The following PIK3C2G variants were observed in gnomAD, a reference collection of about 807,000 sequenced individuals.
The protein encoded by PIK3C2G is phosphatidylinositol 3-kinase C2 domain-containing subunit gamma.
In PIK3C2G, 168 loss-of-function variants were observed where a neutral mutation model predicts 181.1. The observed-to-expected ratio is 0.93, with a 90% confidence interval of 0.82 to 1.05. The LOEUF (loss-of-function observed/expected upper bound fraction) is 1.05. Among genes scored for constraint, PIK3C2G ranks in the 50% least tolerant of loss-of-function variants. PIK3C2G has a pLI of 0.00. For synonymous variants in PIK3C2G, 573 were observed against 592.2 expected, an observed-to-expected ratio of 0.97 and a Z score of 0.47; for missense variants, 1,869 against 1,732.8, an observed-to-expected ratio of 1.08 and a Z score of -1.40.
At chr12:18,555,873 T>C (rs990713642) in intron 26 of PIK3C2G, among the ~76,000 whole-genome samples, 13 of 152,166 alleles carry the variant, frequency 8.5e-5, no homozygotes, top group African/African-American at 2.9e-4. Flanking sequence ...CTTCAGTTAC[T>C]ACTTCTTAGT....
intron 24 of PIK3C2G, among the ~76,000 whole-genome samples, chr12:18,534,004 C>A (rs1943705590): frequency 7.9e-6 from 1 of 126,090 alleles, no homozygotes; most frequent in African/African-American, 3.1e-5. Context: ...GGCTGGAGTG[C>A]AGTGGCACAA....
At chr12:18,329,808 T>C (rs1937738060) in intron 8 of PIK3C2G, among the ~76,000 whole-genome samples, 1 of 152,056 alleles carries the variant, frequency 6.6e-6, no homozygotes. Flanking sequence ...AGAGTTCCTA[T>C]TGCTGCATTT....
intron 18 of PIK3C2G, among the ~76,000 whole-genome samples, chr12:18,476,185 T>G (rs1592355529): frequency 6.6e-6 from 1 of 152,096 alleles, no homozygotes; most frequent in Non-Finnish European, 1.5e-5. Context: ...CCAAGGAAGC[T>G]TTTTTTAGAA....
chr12:18,298,497 AC>A (rs1950040578), intron 5 of PIK3C2G, among the ~76,000 whole-genome samples: 1 of 150,136 alleles, frequency 6.7e-6, no homozygotes, highest in Non-Finnish European at 1.5e-5. Flanking sequence ...CTCCCATTCA[AC>A]AGATTGTCTC....
intron 1 of PIK3C2G, among the ~76,000 whole-genome samples, chr12:18,266,543 T>C (rs760447205): frequency 6.6e-6 from 1 of 152,166 alleles, no homozygotes; most frequent in Non-Finnish European, 1.5e-5. Flanking sequence ...TTCCCTATTA[T>C]TGAGTTCTTA....
chr12:18,450,079 T>G (rs1947265016), intron 18 of PIK3C2G, among the ~76,000 whole-genome samples: 1 of 152,196 alleles, frequency 6.6e-6, no homozygotes, highest in South Asian at 2.1e-4. Flanking sequence ...GTGTCTTCTG[T>G]TGAGAAGTGT....
chr12:18,488,572 C>G lies in PIK3C2G; in HGVS notation c.2628C>G (p.Ile876Met). The change falls in exon 19 of 33, where the codon ATC becomes ATG. Residue 876 changes from isoleucine to methionine, a missense_variant. Physicochemically the swap from Ile to Met is conservative, Grantham distance 10 (BLOSUM62 1). Coordinates refer to ENST00000538779, the MANE Select transcript of PIK3C2G (RefSeq NM_001288772.2). ...AGTTTTCCAAGGAGCAGAAACTTAT[C>G]AAAATTCTGGGAGATATTGGGGAAA... is the stretch of plus-strand genomic sequence containing the variant. The part of the protein sequence containing the change: ...NDEFSKEQKL[I>M]KILGDIGERV... 6.3e-7 allele frequency: 1 copy of G among 1,575,906 alleles called. No homozygotes were observed. The highest frequency in any genetic ancestry group is 1.2e-5 in the South Asian group (1 of 84,662).
chr12:18,479,240 G>A (rs1157292496), intron 18 of PIK3C2G, among the ~76,000 whole-genome samples: 1 of 152,046 alleles, frequency 6.6e-6, no homozygotes, highest in African/African-American at 2.4e-5. Context: ...GAACCAGGAA[G>A]CAAGAGAAAA....
At chr12:18,259,749 C>CT (rs3841369), upstream of PIK3C2G, among the ~76,000 whole-genome samples, 67,855 of 151,624 alleles carry the variant, frequency 0.45, 15,537 homozygotes, top group East Asian at 0.74. Context: ...TAAACTTGCA[C>CT]GTAAACATTG....
At chr12:18,444,457 A>C (rs1046124994) in intron 18 of PIK3C2G, among the ~76,000 whole-genome samples, 3 of 152,130 alleles carry the variant, frequency 2.0e-5, no homozygotes, top group African/African-American at 7.2e-5. Context: ...ATTGAATTGG[A>C]GCTGCAAAAT....
intron 18 of PIK3C2G, among the ~76,000 whole-genome samples, chr12:18,451,246 T>C (rs1283233309): frequency 6.6e-6 from 1 of 152,220 alleles, no homozygotes; most frequent in African/African-American, 2.4e-5. Flanking sequence ...TCCTCTCTTA[T>C]TTCCCTGAGC....
chr12:18,466,190 T>C (rs916642837), intron 18 of PIK3C2G, among the ~76,000 whole-genome samples: 3 of 151,056 alleles, frequency 2.0e-5, no homozygotes, highest in Admixed American at 6.6e-5. Flanking sequence ...GTTAGTATAG[T>C]GTCTTGCTCT....
At chr12:18,484,153 T>A (rs1156966456) in intron 18 of PIK3C2G, among the ~76,000 whole-genome samples, 1 of 152,110 alleles carries the variant, frequency 6.6e-6, no homozygotes, top group East Asian at 1.9e-4. Context: ...AAGAAGTAAA[T>A]TCTACCTACA....
At chr12:18,665,779 C>CA in the PIK3C2G span, among the ~76,000 whole-genome samples, 1 of 151,738 alleles carries the variant, frequency 6.6e-6, no homozygotes, top group Non-Finnish European at 1.5e-5. Flanking sequence ...TAGTAAAATA[C>CA]AAAAAATTAG....
intron 4 of PIK3C2G, among the ~76,000 whole-genome samples, chr12:18,293,472 G>A (rs976766117): frequency 6.6e-6 from 1 of 152,054 alleles, no homozygotes; most frequent in Non-Finnish European, 1.5e-5. Context: ...TTATCTTGCT[G>A]ATACCCTTAG....
intron 12 of PIK3C2G, among the ~76,000 whole-genome samples, chr12:18,364,565 C>T (rs921624963): frequency 6.6e-6 from 1 of 151,986 alleles, no homozygotes; most frequent in African/African-American, 2.4e-5. Context: ...TGTTATTGGG[C>T]AAATTAATAA....
chr12:18,505,075 A>T (rs1941732979), intron 23 of PIK3C2G, among the ~76,000 whole-genome samples: 1 of 152,180 alleles, frequency 6.6e-6, no homozygotes, highest in Non-Finnish European at 1.5e-5. Flanking sequence ...TTCAGTGAAA[A>T]CATTCATCTA....
chr12:18,612,920 C>A (rs1285971662), intron 31 of PIK3C2G, among the ~76,000 whole-genome samples: 3 of 152,094 alleles, frequency 2.0e-5, no homozygotes, highest in South Asian at 4.1e-4. Flanking sequence ...TGCTAAAATT[C>A]TTTCCCTTTC....
intron 20 of PIK3C2G, 65 bp downstream of exon 20, chr12:18,491,623 A>G: frequency 1.1e-6 from 1 of 870,652 alleles, no homozygotes. Context: ...TTCATTGTAT[A>G]TGTTTGAAAT....
Sources: gnomAD v4.1 joint callset for allele counts (sites outside exome capture counted in the v4.1 genomes callset) on GRCh38, gnomAD v4.1.1 for gene constraint, MANE v1.5 for transcripts, NCBI Gene and HGNC (gene_info 2026-07-23, HGNC 2026-07-21) for gene names.